The following NOMO3 variants were observed in gnomAD, a reference collection of about 807,000 sequenced individuals.
NOMO3 encodes NODAL modulator 3.
In NOMO3, 15 loss-of-function variants were observed where a neutral mutation model predicts 69.9. The observed-to-expected ratio is 0.21, with a 90% CI of 0.14 to 0.33. The LOEUF (loss-of-function observed/expected upper bound fraction) is 0.33, where lower values mean the gene tolerates loss of function less well. Among genes scored for constraint, NOMO3 ranks in the 10% least tolerant of loss-of-function variants. The pLI, the probability that NOMO3 is intolerant of heterozygous loss-of-function variation, is 1.00. For missense variants in NOMO3, 218 were observed against 761.0 expected (o/e 0.29, Z 8.39); for synonymous variants, 89 against 301.9 (o/e 0.29, Z 7.31).
chr16:16,260,619 C>A (rs1423885973), intron 11 of NOMO3, among the ~76,000 whole-genome samples: 1 of 142,402 alleles, frequency 7.0e-6, no homozygotes, highest in Non-Finnish European at 1.5e-5. Flanking sequence ...TTGTCAGAAT[C>A]CAACATTCTT....
chr16:16,237,200 G>T (rs961292932), intron 2 of NOMO3, among the ~76,000 whole-genome samples: 2 of 144,670 alleles, frequency 1.4e-5, no homozygotes, highest in African/African-American at 5.5e-5. Flanking sequence ...GGACCATTTG[G>T]CAATGTCTAG....
At position 16,258,122 on chromosome 16, in the gene NOMO3, C is replaced by T. The variant is rs2049531118; in HGVS notation, c.1220+1964C>T. 1.4e-5 allele frequency among the ~76,000 whole-genome samples: 2 copies of T among 141,984 alleles called. 1 individual carries two copies. Among genetic ancestry groups the T allele is most frequent in the Admixed American group, 1.4e-4 (2 of 14,546 alleles). The allele number at this position is 141,984 out of a possible 152,430, so 93.1% of individuals were successfully genotyped here. ...CTTGAGCCCAGGAGTTTGAGACCAG[C>T]CTGGGCAACTTGGCAAAACACCATC... is the stretch of plus-strand genomic sequence containing the variant. On this transcript the variant is annotated intron_variant, in intron 11 of 30. Transcript: ENST00000399336.
chr16:16,261,468 C>T (rs1205280774), intron 11 of NOMO3, 34 bp from the exon 12 acceptor site: 2 of 1,569,234 alleles, frequency 1.3e-6, no homozygotes, highest in Non-Finnish European at 1.7e-6. Flanking sequence ...ATAATTGAGT[C>T]CTCGTGCTGG....
intron 17 of NOMO3, 104 bp downstream of exon 17, chr16:16,270,288 A>C: frequency 6.3e-7 from 1 of 1,581,082 alleles, no homozygotes; most frequent in Non-Finnish European, 8.5e-7. Flanking sequence ...TTTTTCTGAA[A>C]GAGGCAAGGT....
intron 4 of NOMO3, among the ~76,000 whole-genome samples, chr16:16,243,668 G>C (rs1325762046): frequency 7.2e-6 from 1 of 138,772 alleles, no homozygotes; most frequent in African/African-American, 3.0e-5. Flanking sequence ...AGGATTACAA[G>C]TGTGTGCCAC....
At chr16:16,267,616 G>A (rs2049630211) in intron 16 of NOMO3, among the ~76,000 whole-genome samples, 2 of 138,544 alleles carry the variant, frequency 1.4e-5, no homozygotes, top group Non-Finnish European at 1.5e-5. Flanking sequence ...TGTATTTTTA[G>A]TAGGGATGGG....
chr16:16,249,950 T>G (rs2049449273), intron 6 of NOMO3, among the ~76,000 whole-genome samples: 1 of 140,546 alleles, frequency 7.1e-6, no homozygotes, highest in African/African-American at 3.0e-5. Context: ...AAAGAACAAC[T>G]TAAGGCAAAT....
rs1430936573 is a variant in NOMO3 at position 16,239,295 on chromosome 16, C to T, written c.256-556C>T. 4.2e-5 allele frequency among the ~76,000 whole-genome samples: 6 copies of T among 143,200 alleles called. 2 individuals are homozygous for T. Among genetic ancestry groups the T allele is most frequent in the African/African-American group, 1.7e-4 (6 of 35,288 alleles). 93.9% of individuals were successfully genotyped at this position (143,200 alleles called of 152,430 possible). ...CCTCCTAAGTAGCTAAGACTGTAGG[C>T]GCCTGCCACCACACCCAGCTAATTT... On this transcript the variant is annotated intron_variant, in intron 2 of 30. Coordinates refer to ENST00000399336, the MANE Select transcript of NOMO3 (RefSeq NM_001004067.4).
At chr16:16,243,112 T>G in intron 3 of NOMO3, 49 bp from the exon 4 acceptor site, 1 of 726,494 alleles carries the variant, frequency 1.4e-6, no homozygotes, top group Non-Finnish European at 2.1e-6. Flanking sequence ...AAAACTAAGC[T>G]TGCCTTTGTG....
Position 16,263,161 on chromosome 16 carries a change from G to C in NOMO3, c.1483G>C (p.Asp495His), listed in dbSNP as rs1036134572. The change falls in exon 13 of 31, where the codon GAT becomes CAT. Residue 495 changes from aspartate (D) to histidine (H), a missense_variant. By Grantham distance (81) the Asp-to-His change is moderately conservative (BLOSUM62 -1). Transcript: ENST00000399336. ...TACTGTGACCGACAGGCCTGTGATG[G>C]ATGTGGCCTTTGTACAGTTCTTGGC... Reference protein sequence around the residue: ...PLTVTDRPVMDVAFVQFLASV... With the variant: ...PLTVTDRPVMHVAFVQFLASV... The C allele has an allele frequency of 1.9e-6, 3 of 1,591,346 alleles. No homozygotes were observed. The highest frequency in any genetic ancestry group is 2.6e-6 in the Non-Finnish European group (3 of 1,175,984).
chr16:16,255,420 A>C lies in NOMO3; in HGVS notation c.964-300A>C, dbSNP rs1236698595. On this transcript the variant is annotated intron_variant, in intron 9 of 30. Coordinates refer to ENST00000399336, the MANE Select transcript of NOMO3 (RefSeq NM_001004067.4). ...GCATCTGGAGGGGAGGAGATGGCACAGGGGTAAGGGTGGGGGGCTTCTAGA... is the reference window on the plus strand; with the variant it reads ...GCATCTGGAGGGGAGGAGATGGCACCGGGGTAAGGGTGGGGGGCTTCTAGA... 1.8e-4 allele frequency among the ~76,000 whole-genome samples: 24 copies of C among 134,560 alleles called. 1 individual carries two copies. The highest frequency in any genetic ancestry group is 2.6e-4 in the East Asian group (1 of 3,790). The allele number at this position is 134,560 out of a possible 152,430, so 88.3% of individuals were successfully genotyped here.
chr16:16,237,224 G>A (rs1271008508), intron 2 of NOMO3, among the ~76,000 whole-genome samples: 1 of 144,590 alleles, frequency 6.9e-6, no homozygotes, highest in Non-Finnish European at 1.5e-5. Flanking sequence ...CGTTTTTGTT[G>A]TGACATCTGT....
chr16:16,238,900 C>T (rs2049352083), intron 2 of NOMO3, among the ~76,000 whole-genome samples: 2 of 132,020 alleles, frequency 1.5e-5, no homozygotes, highest in Non-Finnish European at 3.1e-5. Context: ...CAACATGGTG[C>T]AACCCCGTCT....
chr16:16,234,187 G>C (rs1345342277), intron 1 of NOMO3, among the ~76,000 whole-genome samples: 1 of 151,744 alleles, frequency 6.6e-6, no homozygotes, highest in Non-Finnish European at 1.5e-5. Flanking sequence ...CACCTCCTAG[G>C]TCTGCACTGG....
In NOMO3 at chr16:16,254,835, G is replaced by A. The variant is rs185005366; in HGVS notation, c.964-885G>A. On this transcript the variant is annotated intron_variant, in intron 9 of 30. Coordinates refer to ENST00000399336, the MANE Select transcript of NOMO3 (RefSeq NM_001004067.4). ...AAGCACAGCTGTGCTGCTCACAGGC[G>A]AGTGGGGCACAGACACAGACACAGA... 1.5e-4 allele frequency among the ~76,000 whole-genome samples: 22 copies of A among 144,672 alleles called. 2 individuals are homozygous for A. Among genetic ancestry groups the A allele is most frequent in the African/African-American group, 3.1e-4 (11 of 35,474 alleles). 94.9% of individuals were successfully genotyped at this position (144,672 alleles called of 152,430 possible).
intron 15 of NOMO3, among the ~76,000 whole-genome samples, chr16:16,265,952 C>T (rs1430484589): frequency 3.4e-5 from 5 of 145,216 alleles, no homozygotes; most frequent in Non-Finnish European, 5.9e-5. Flanking sequence ...GCGTTGGCCT[C>T]GCAGAGTGCT....
intron 11 of NOMO3, among the ~76,000 whole-genome samples, chr16:16,258,276 A>G (rs1393850674): frequency 7.2e-6 from 1 of 138,124 alleles, no homozygotes; most frequent in Non-Finnish European, 1.5e-5. Flanking sequence ...CTGCTAAATT[A>G]TGGCAAATGT....
chr16:16,268,190 T>C (rs1184989748), intron 16 of NOMO3, among the ~76,000 whole-genome samples: 2 of 144,204 alleles, frequency 1.4e-5, no homozygotes, highest in African/African-American at 2.8e-5. Context: ...TTATGACTAA[T>C]GTTACGGACA....
At chr16:16,232,947 C>G (rs2049295092) in intron 1 of NOMO3, 116 bp downstream of exon 1, 1 of 77,062 alleles carries the variant, frequency 1.3e-5, no homozygotes, top group East Asian at 1.9e-4. Context: ...GAGCCCTTAC[C>G]TCTTCCGAGG....
Sources: allele counts gnomAD v4.1 joint callset (sites outside exome capture counted in the v4.1 genomes callset), GRCh38; gene constraint gnomAD v4.1.1; transcripts MANE v1.5; gene names NCBI Gene and HGNC (gene_info 2026-07-23, HGNC 2026-07-21).